RELN: variants seen among roughly 807,000 people sequenced by gnomAD.
RELN encodes the protein reelin.
In RELN, 108 loss-of-function variants were observed where a neutral mutation model predicts 427.6. That is an observed-to-expected ratio of 0.25 (90% CI 0.22 to 0.30). RELN has a LOEUF of 0.30. RELN is among the 10% of genes least tolerant of loss of function. RELN has a pLI of 1.00. For missense variants in RELN, 3,715 were observed against 4,302.8 expected (o/e 0.86, Z 3.82); for synonymous variants, 1,524 against 1,513.4 (o/e 1.01, Z -0.16).
chr7:103,555,724 C>T (rs1342625001), intron 38 of RELN, among the ~76,000 whole-genome samples: 1 of 152,106 alleles, frequency 6.6e-6, no homozygotes, highest in African/African-American at 2.4e-5. Flanking sequence ...CCACCTGCCT[C>T]GGCCTCCCAA....
chr7:103,535,875 ACTAT>A (rs779828020), intron 45 of RELN, among the ~76,000 whole-genome samples: 6 of 152,010 alleles, frequency 3.9e-5, no homozygotes, highest in Non-Finnish European at 8.8e-5. Context: ...ATAGTGATAG[ACTAT>A]ATATCACAAA....
chr7:103,936,351 C>T (rs1355993201), intron 1 of RELN, among the ~76,000 whole-genome samples: 1 of 152,078 alleles, frequency 6.6e-6, no homozygotes, highest in Non-Finnish European at 1.5e-5. Context: ...TCTCAGCCTC[C>T]CAAAGTGATG....
At position 103,988,558 on chromosome 7, in the gene RELN, G is replaced by A. The variant is rs1797149745; in HGVS notation, c.226+573C>T. On this transcript the variant is annotated intron_variant, in intron 1 of 64. Transcript: ENST00000428762. This position sits in a 1 kb window ranked among gnomAD's most constrained non-coding sequence, Gnocchi z 4.9. ...CTTTCAAAAGAATAGGGAGCTGGAA[G>A]CAGCCGCTCCCTTTCAGGAGGGCTG... Among the ~76,000 whole-genome samples, 1 of 152,220 alleles carries A rather than the reference G, an allele frequency of 6.6e-6. No individual in the cohort carries two copies. The highest frequency in any genetic ancestry group is 2.4e-5 in the African/African-American group (1 of 41,456).
At chr7:103,962,847 TTA>T (rs1796586335) in intron 1 of RELN, among the ~76,000 whole-genome samples, 1 of 152,180 alleles carries the variant, frequency 6.6e-6, no homozygotes, top group Admixed American at 6.5e-5. Flanking sequence ...AAGAAAACTA[TTA>T]TGAGTTTAGC....
Position 103,551,347 on chromosome 7 carries a change from T to C in RELN, c.6073-51A>G, listed in dbSNP as rs368485142. The C allele has an allele frequency of 3.9e-6, 5 of 1,290,108 alleles. No individual in the cohort carries two copies. In the African/African-American group the frequency reaches 7.3e-5, roughly 19 times the overall value. The allele number at this position is 1,290,108 out of a possible 1,614,324, so 79.9% of individuals were successfully genotyped here. ...CAAATTACCTCAGAGCAACAAGCCT[T>C]GAAATGATTCACCACTTCATTATTT... On this transcript the variant is annotated intron_variant, in intron 40 of 64. Coordinates refer to ENST00000428762, the MANE Select transcript of RELN (RefSeq NM_005045.4).
At chr7:103,946,433 G>A (rs60047712) in intron 1 of RELN, among the ~76,000 whole-genome samples, 3,347 of 151,982 alleles carry the variant, frequency 0.022, 121 homozygotes, top group African/African-American at 0.076. Flanking sequence ...AAAATAAAAC[G>A]AATCATTTTG....
intron 6 of RELN, among the ~76,000 whole-genome samples, chr7:103,740,076 T>A (rs1270489237): frequency 6.6e-6 from 1 of 152,038 alleles, no homozygotes; most frequent in South Asian, 2.1e-4. Context: ...CAGAGGTGCA[T>A]CCTCATTCTA....
intron 11 of RELN, among the ~76,000 whole-genome samples, chr7:103,673,878 T>C (rs1241016671): frequency 6.6e-6 from 1 of 152,114 alleles, no homozygotes; most frequent in East Asian, 1.9e-4. Flanking sequence ...CCATTCATCT[T>C]GCTAAACACT....
At chr7:103,558,911 C>A (rs1830582877) in intron 36 of RELN, among the ~76,000 whole-genome samples, 2 of 152,104 alleles carry the variant, frequency 1.3e-5, no homozygotes, top group African/African-American at 4.8e-5. Flanking sequence ...TAACAAAGGC[C>A]AAATGTAATT....
At chr7:103,890,544 T>G (rs1190316905) in intron 2 of RELN, among the ~76,000 whole-genome samples, 1 of 77,402 alleles carries the variant, frequency 1.3e-5, no homozygotes, top group Non-Finnish European at 2.8e-5. Context: ...TGTAATGTGC[T>G]TGAATCATCC....
At chr7:103,959,241 C>A (rs891301956) in intron 1 of RELN, among the ~76,000 whole-genome samples, 2 of 152,166 alleles carry the variant, frequency 1.3e-5, no homozygotes, top group African/African-American at 4.8e-5. Context: ...TCATGCCTGG[C>A]TGATTTCTTC....
chr7:103,609,267 C>T (rs542613211), intron 22 of RELN, among the ~76,000 whole-genome samples: 1 of 150,050 alleles, frequency 6.7e-6, no homozygotes, highest in Admixed American at 6.6e-5. Context: ...ATTTTACCAT[C>T]ATAATTTTGA....
chr7:103,495,071 G>A (rs930908208), intron 57 of RELN, among the ~76,000 whole-genome samples: 40 of 152,124 alleles, frequency 2.6e-4, no homozygotes, highest in African/African-American at 8.9e-4. Flanking sequence ...TACAAGGGTA[G>A]GGAGACTGAA....
At chr7:103,875,667 C>T (rs7784567) in intron 2 of RELN, among the ~76,000 whole-genome samples, 21,854 of 151,862 alleles carry the variant, frequency 0.14, 1,878 homozygotes, top group East Asian at 0.34. Context: ...TAAATGACCA[C>T]GGCAAAAGAA....
At chr7:103,693,079 G>A (rs1833904326) in intron 10 of RELN, among the ~76,000 whole-genome samples, 1 of 152,068 alleles carries the variant, frequency 6.6e-6, no homozygotes, top group Admixed American at 6.6e-5. Context: ...CAATAGCAAA[G>A]ACTTGGAACC....
intron 40 of RELN, 77 bp from the exon 41 acceptor site, chr7:103,551,373 T>G: frequency 9.8e-7 from 1 of 1,020,154 alleles, no homozygotes; most frequent in East Asian, 2.6e-5. Context: ...TTCATTATTT[T>G]CTAGGGTCCA....
intron 20 of RELN, 108 bp downstream of exon 20, chr7:103,629,832 T>C: frequency 1.2e-6 from 1 of 815,858 alleles, no homozygotes; most frequent in Non-Finnish European, 2.2e-6. Flanking sequence ...AGTTCCTATT[T>C]AGTAAATACT....
intron 8 of RELN, among the ~76,000 whole-genome samples, chr7:103,707,767 G>A (rs1271427819): frequency 6.6e-6 from 1 of 151,974 alleles, no homozygotes; most frequent in Non-Finnish European, 1.5e-5. Context: ...AAAGTGTTGG[G>A]ATTACAGGCA....
intron 2 of RELN, among the ~76,000 whole-genome samples, chr7:103,916,343 A>C (rs957688508): frequency 6.6e-6 from 1 of 152,218 alleles, no homozygotes; most frequent in African/African-American, 2.4e-5. Flanking sequence ...AGTCCTGTGT[A>C]ATCTTTCAAT....
Sources: allele counts gnomAD v4.1 joint callset (sites outside exome capture counted in the v4.1 genomes callset), GRCh38; gene constraint gnomAD v4.1.1; non-coding constraint Gnocchi (gnomAD v3.1); transcripts MANE v1.5; gene names NCBI Gene and HGNC (gene_info 2026-07-23, HGNC 2026-07-21).